Variants in GRK5 observed in about 807,000 individuals in gnomAD.
The protein encoded by GRK5 is G protein-coupled receptor kinase 5.
Under a neutral mutation model 78.4 loss-of-function variants are expected in GRK5, and 40 were observed. That is an observed-to-expected ratio of 0.51 (90% CI 0.40 to 0.66). The LOEUF is 0.66. Among genes scored for constraint, GRK5 ranks in the 30% least tolerant of loss-of-function variants. The probability of loss-of-function intolerance (pLI) is 0.00; values close to 1 mark genes in which losing one functional copy is unlikely to be tolerated. For synonymous variants in GRK5, 289 were observed against 296.8 expected, an observed-to-expected ratio of 0.97 and a Z score of 0.27; for missense variants, 598 against 759.9, an observed-to-expected ratio of 0.79 and a Z score of 2.50.
At chr10:119,237,989 G>A (rs1848960651) in intron 1 of GRK5, among the ~76,000 whole-genome samples, 1 of 150,496 alleles carries the variant, frequency 6.6e-6, no homozygotes, top group South Asian at 2.1e-4. Context: ...GCATGGAAAG[G>A]GCTCTAAGCC....
intron 4 of GRK5, among the ~76,000 whole-genome samples, chr10:119,409,530 A>G (rs1460644198): frequency 6.6e-6 from 1 of 152,146 alleles, no homozygotes; most frequent in African/African-American, 2.4e-5. Flanking sequence ...CGGCAGACAG[A>G]AGACTCAGCC....
intron 4 of GRK5, among the ~76,000 whole-genome samples, chr10:119,417,495 T>G (rs1345293253): frequency 6.6e-6 from 1 of 152,174 alleles, no homozygotes; most frequent in African/African-American, 2.4e-5. Flanking sequence ...CTAAACCCAT[T>G]GCTGTACAAA....
At chr10:119,223,868 A>G (rs1848695748) in intron 1 of GRK5, among the ~76,000 whole-genome samples, 2 of 152,150 alleles carry the variant, frequency 1.3e-5, no homozygotes, top group Admixed American at 1.3e-4. Context: ...GAGACCTGGT[A>G]TGTCTGGTGC....
At chr10:119,322,185 T>C (rs1850596836) in intron 1 of GRK5, among the ~76,000 whole-genome samples, 1 of 152,164 alleles carries the variant, frequency 6.6e-6, no homozygotes. Flanking sequence ...ACTCCTGGGC[T>C]CAAGCAATCC....
chr10:119,292,272 C>CTTCTCCTCCTCTTCCTCT (rs1564879899), intron 1 of GRK5, among the ~76,000 whole-genome samples: 2 of 149,028 alleles, frequency 1.3e-5, no homozygotes, highest in Admixed American at 6.7e-5. Context: ...CTTCCTCCTC[C>CTTCTCCTCCTCTTCCTCT]TTCTCCTCCT....
chr10:119,239,149 T>G (rs1038827974), intron 1 of GRK5, among the ~76,000 whole-genome samples: 2 of 152,002 alleles, frequency 1.3e-5, no homozygotes, highest in Non-Finnish European at 2.9e-5. Flanking sequence ...GCTCCCCAGT[T>G]AAGGGCCTTT....
At chr10:119,257,185 G>A (rs751921511) in intron 1 of GRK5, among the ~76,000 whole-genome samples, 1 of 152,170 alleles carries the variant, frequency 6.6e-6, no homozygotes, top group Non-Finnish European at 1.5e-5. Context: ...TGTCCCTTGA[G>A]TTCTTTGGGG....
At chr10:119,277,370 G>T (rs1001556189) in intron 1 of GRK5, among the ~76,000 whole-genome samples, 1 of 152,166 alleles carries the variant, frequency 6.6e-6, no homozygotes, top group African/African-American at 2.4e-5. Context: ...TAAAAATAAC[G>T]ATGTCTGTAG....
chr10:119,220,961 C>T (rs1323123146), intron 1 of GRK5, among the ~76,000 whole-genome samples: 3 of 152,142 alleles, frequency 2.0e-5, no homozygotes, highest in Non-Finnish European at 4.4e-5. Flanking sequence ...TGAGAAGAGC[C>T]TGGCCAACAT....
intron 1 of GRK5, among the ~76,000 whole-genome samples, chr10:119,311,619 C>G (rs1850360727): frequency 1.3e-5 from 2 of 152,082 alleles, no homozygotes; most frequent in Admixed American, 6.6e-5. Context: ...AACCCCATCT[C>G]TACTAAAAAT....
At chr10:119,347,060 C>T (rs1432599934) in intron 2 of GRK5, among the ~76,000 whole-genome samples, 2 of 152,180 alleles carry the variant, frequency 1.3e-5, no homozygotes, top group Non-Finnish European at 2.9e-5. Flanking sequence ...GTCCTGAGGG[C>T]TGAGGTGTGG....
At chr10:119,440,249 C>T (rs1228132582) in intron 10 of GRK5, among the ~76,000 whole-genome samples, 1 of 152,184 alleles carries the variant, frequency 6.6e-6, no homozygotes, top group Non-Finnish European at 1.5e-5. Flanking sequence ...GTCTAGCCAG[C>T]TGTAAATGTC....
chr10:119,402,559 T>C (rs1184780146), intron 4 of GRK5, among the ~76,000 whole-genome samples: 1 of 152,160 alleles, frequency 6.6e-6, no homozygotes, highest in African/African-American at 2.4e-5. Context: ...CTTTTTGAAA[T>C]ACCAATTTTA....
intron 4 of GRK5, among the ~76,000 whole-genome samples, chr10:119,422,263 G>A (rs1256478564): frequency 6.6e-6 from 1 of 152,150 alleles, no homozygotes; most frequent in Non-Finnish European, 1.5e-5. Context: ...CCACTCCTGG[G>A]TAGGACACAG....
At position 119,284,826 on chromosome 10, in the gene GRK5, G is replaced by A. The variant is rs79305571; in HGVS notation, c.53-41690G>A. ...TGTGAGTGCTGGATGCAAGGCTGCC[G>A]TCCTGGCAAAGGGATGTCTCACTGG... On this transcript the variant is annotated intron_variant, in intron 1 of 15. Transcript: ENST00000392870. Among the ~76,000 whole-genome samples, 475 of 152,350 alleles carry A rather than the reference G, an allele frequency of 3.1e-3. 1 individual carries two copies. The highest frequency in any genetic ancestry group is 0.011 in the African/African-American group (438 of 41,584).
At chr10:119,399,589 T>C (rs983383393) in intron 4 of GRK5, among the ~76,000 whole-genome samples, 8 of 152,126 alleles carry the variant, frequency 5.3e-5, no homozygotes, top group African/African-American at 1.7e-4. Context: ...AAAAGAACCC[T>C]CAGTGGTCAA....
chr10:119,266,550 C>T (rs1383504609), intron 1 of GRK5, among the ~76,000 whole-genome samples: 7 of 152,060 alleles, frequency 4.6e-5, no homozygotes, highest in Non-Finnish European at 7.4e-5. Flanking sequence ...TCCTTCCCTT[C>T]ATAACTTGGG....
At position 119,452,846 on chromosome 10, in the gene GRK5, AG is replaced by A; in HGVS notation, c.1542+41del. 5 of 518,282 alleles carry A rather than the reference AG, an allele frequency of 9.6e-6. No homozygotes were observed. The highest frequency in any genetic ancestry group is 1.9e-5 in the Non-Finnish European group (5 of 256,960). The allele number at this position is 518,282 out of a possible 1,614,324, so 32.1% of individuals were successfully genotyped here. ...GACCACTTGCTTTGGTCTGGGTGGG[AG>A]GGAGGGACTGACGGGTGGAAGGAGG... On this transcript the variant is annotated intron_variant, in intron 14 of 15. Transcript: ENST00000392870. This position sits in a 1 kb window ranked among gnomAD's most constrained non-coding sequence, Gnocchi z 4.4.
chr10:119,349,766 A>T (rs1222735874), intron 2 of GRK5, among the ~76,000 whole-genome samples: 2 of 152,222 alleles, frequency 1.3e-5, no homozygotes, highest in African/African-American at 4.8e-5. Flanking sequence ...GGACTGATTC[A>T]GTGGCCACCA....
Sources: gnomAD v4.1 joint callset for allele counts (sites outside exome capture counted in the v4.1 genomes callset) on GRCh38, gnomAD v4.1.1 for gene constraint, Gnocchi (gnomAD v3.1) non-coding constraint, MANE v1.5 for transcripts, NCBI Gene and HGNC (gene_info 2026-07-23, HGNC 2026-07-21) for gene names.